KIF21A: variants seen among roughly 807,000 people sequenced by gnomAD.
KIF21A encodes kinesin family member 21A, also known as kinesin-like protein KIF21A.
KIF21A carries 114 observed loss-of-function variants against 202.9 expected under a neutral mutation model. The ratio of observed to expected loss-of-function variants is 0.56; its 90% CI spans 0.48 to 0.66. The LOEUF (loss-of-function observed/expected upper bound fraction) is 0.66, where lower values mean the gene tolerates loss of function less well. KIF21A is among the 30% of genes least tolerant of loss of function. KIF21A has a pLI of 0.00. For missense variants in KIF21A, 1,677 were observed against 1,994.9 expected, an observed-to-expected ratio of 0.84 and a Z score of 3.04; for synonymous variants, 667 against 670.8, an observed-to-expected ratio of 0.99 and a Z score of 0.09.
At chr12:39,329,465 A>C (rs2138034448) in intron 24 of KIF21A, among the ~76,000 whole-genome samples, 1 of 152,324 alleles carries the variant, frequency 6.6e-6, no homozygotes, top group African/African-American at 2.4e-5. Context: ...AAGGAGGAGA[A>C]AGATGAAGAA....
At position 39,439,899 on chromosome 12, in the gene KIF21A, T is replaced by A. The variant is rs368023194; in HGVS notation, c.44+3028A>T. ...TCTTGAGAAATCTACAATAGAGTCA[T>A]CAGCTTTAACATACTAATAAACCTC... On this transcript the variant is annotated intron_variant, in intron 1 of 37. Coordinates refer to ENST00000361418, the MANE Select transcript of KIF21A (RefSeq NM_001173464.2). Among the ~76,000 whole-genome samples, 30 of 152,336 alleles carry A rather than the reference T, an allele frequency of 2.0e-4. No individual in the cohort carries two copies. In the South Asian group the frequency reaches 2.7e-3, roughly 14 times the overall value.
chr12:39,296,480 AT>A (rs1221755253), intron 37 of KIF21A, among the ~76,000 whole-genome samples: 1 of 152,224 alleles, frequency 6.6e-6, no homozygotes, highest in Non-Finnish European at 1.5e-5. Context: ...ATAATAAATG[AT>A]TAAACTATAG....
At chr12:39,425,466 G>T (rs558201120) in intron 1 of KIF21A, among the ~76,000 whole-genome samples, 16 of 152,124 alleles carry the variant, frequency 1.1e-4, no homozygotes, top group Non-Finnish European at 2.2e-4. Flanking sequence ...GCCTGCTGAT[G>T]TATTAAGCAT....
At chr12:39,332,449 CTTAT>C (rs1946587068) in intron 20 of KIF21A, 41 bp from the exon 21 acceptor site, 2 of 1,599,072 alleles carry the variant, frequency 1.3e-6, no homozygotes, top group Non-Finnish European at 1.7e-6. Flanking sequence ...ATTATGTTCA[CTTAT>C]TTATATACAG....
rs1296029863 is a variant in KIF21A, at chr12:39,365,928, G to A, written c.903+422C>T. Among the ~76,000 whole-genome samples, 19 of 152,250 alleles carry A rather than the reference G, an allele frequency of 1.2e-4. No individual in the cohort carries two copies. In the South Asian group the frequency reaches 2.5e-3, roughly 20 times the overall value. Reference sequence around the variant, plus strand: ...TGAAGTGGGAAGATCAATTGAGCCCGTGAGGTCAAGGCTGCAGTGAGCCAT... The same window carrying A: ...TGAAGTGGGAAGATCAATTGAGCCCATGAGGTCAAGGCTGCAGTGAGCCAT... On this transcript the variant is annotated intron_variant, in intron 6 of 37. Transcript: ENST00000361418.
intron 11 of KIF21A, among the ~76,000 whole-genome samples, chr12:39,347,034 A>T (rs907642124): frequency 6.6e-6 from 1 of 151,916 alleles, no homozygotes; most frequent in Non-Finnish European, 1.5e-5. Flanking sequence ...TATACTACAT[A>T]TGAATATCAA....
intron 3 of KIF21A, among the ~76,000 whole-genome samples, chr12:39,368,527 C>T (rs1237636259): frequency 2.0e-5 from 3 of 151,984 alleles, no homozygotes; most frequent in Non-Finnish European, 4.4e-5. Flanking sequence ...CTGAAAAAAC[C>T]CAGATACCTC....
chr12:39,401,067 A>G (rs1005156095), intron 1 of KIF21A, among the ~76,000 whole-genome samples: 1 of 152,218 alleles, frequency 6.6e-6, no homozygotes, highest in Non-Finnish European at 1.5e-5. Context: ...CACTTGTAAG[A>G]CACAAATGTA....
At chr12:39,416,999 A>G (rs1953813218) in intron 1 of KIF21A, among the ~76,000 whole-genome samples, 1 of 151,800 alleles carries the variant, frequency 6.6e-6, no homozygotes, top group African/African-American at 2.4e-5. Context: ...AGCTATTAGT[A>G]TCATTCATTA....
At chr12:39,325,625 G>A (rs984946278) in intron 26 of KIF21A, among the ~76,000 whole-genome samples, 2 of 151,044 alleles carry the variant, frequency 1.3e-5, no homozygotes, top group African/African-American at 4.9e-5. Context: ...ACAGGCATGA[G>A]CCACCGTATC....
chr12:39,395,552 C>T (rs936302977), intron 1 of KIF21A, among the ~76,000 whole-genome samples: 2 of 152,110 alleles, frequency 1.3e-5, no homozygotes, highest in Non-Finnish European at 2.9e-5. Context: ...TAAAAATCAC[C>T]CACTTTCAGC....
At chr12:39,368,640 T>G (rs1489198228) in intron 3 of KIF21A, among the ~76,000 whole-genome samples, 1 of 152,144 alleles carries the variant, frequency 6.6e-6, no homozygotes, top group African/African-American at 2.4e-5. Context: ...ATAACACTGT[T>G]TCTTTTCTTT....
At chr12:39,330,641 T>C (rs900529640) in intron 23 of KIF21A, 105 bp downstream of exon 23, 2 of 929,668 alleles carry the variant, frequency 2.2e-6, no homozygotes, top group Admixed American at 1.9e-5. Context: ...TGAGTAAATA[T>C]AGCATCTATT....
chr12:39,377,392 C>G (rs1950335554), intron 1 of KIF21A, among the ~76,000 whole-genome samples: 1 of 152,152 alleles, frequency 6.6e-6, no homozygotes, highest in Non-Finnish European at 1.5e-5. Context: ...TTTGTCATCA[C>G]AACTGAGCCA....
chr12:39,353,310 C>A (rs1412683722), intron 10 of KIF21A, among the ~76,000 whole-genome samples: 1 of 151,966 alleles, frequency 6.6e-6, no homozygotes, highest in East Asian at 1.9e-4. Context: ...CAGGAATGAG[C>A]CACCCCACCT....
In KIF21A at chr12:39,307,697, C is replaced by T. The variant is rs200589960; in HGVS notation, c.4310G>A (p.Cys1437Tyr). The part of the protein sequence containing the change: ...SSGQVTLGDA[C>Y]SASTSRTVAI... ...TACTGTTCGACTGGTACTTGCAGAA[C>T]AAGCATCTCCAAGAGTAACTTGACC... Residue 1437 changes from cysteine to tyrosine, a missense_variant, in exon 34 of 38, where the codon TGT (cysteine) becomes TAT (tyrosine). This residue lies in a region of KIF21A where 705 missense variants were observed against 791.9 expected (regional missense o/e 0.89). Transcript: ENST00000361418. 8 of 1,614,052 alleles carry T rather than the reference C, an allele frequency of 5.0e-6. No homozygotes were observed. Among genetic ancestry groups the T allele is most frequent in the Non-Finnish European group, 6.8e-6 (8 of 1,179,962 alleles).
At chr12:39,413,676 G>C (rs978369642) in intron 1 of KIF21A, among the ~76,000 whole-genome samples, 2 of 152,166 alleles carry the variant, frequency 1.3e-5, no homozygotes, top group Non-Finnish European at 2.9e-5. Context: ...CTGTAACCCA[G>C]CTGAGGAAGA....
chr12:39,413,911 A>T lies in KIF21A; in HGVS notation c.44+29016T>A, dbSNP rs575692617. On this transcript the variant is annotated intron_variant, in intron 1 of 37. Transcript: ENST00000361418. ...TTATCTCATAAAGTTGTTTTCCCATAAAAAAAAAATGTAATATTTGAGGCC... is the reference window on the plus strand; with the variant it reads ...TTATCTCATAAAGTTGTTTTCCCATTAAAAAAAAATGTAATATTTGAGGCC... 1.8e-4 allele frequency among the ~76,000 whole-genome samples: 26 copies of T among 147,076 alleles called. No homozygotes were observed. In the East Asian group the frequency reaches 4.6e-3, roughly 26 times the overall value.
chr12:39,360,482 T>A (rs1232740912), intron 7 of KIF21A, among the ~76,000 whole-genome samples: 1 of 151,742 alleles, frequency 6.6e-6, no homozygotes, highest in Non-Finnish European at 1.5e-5. Context: ...CTCCGCCTCC[T>A]GAGTTAAAGC....
Sources: allele counts gnomAD v4.1 joint callset (sites outside exome capture counted in the v4.1 genomes callset), GRCh38; gene constraint gnomAD v4.1.1; regional missense constraint gnomAD v4.1.1; transcripts MANE v1.5; gene names NCBI Gene and HGNC (gene_info 2026-07-23, HGNC 2026-07-21).